The following GBP7 variants were observed in gnomAD, a reference collection of about 807,000 sequenced individuals.
The protein encoded by GBP7 is guanylate binding protein 7, also known as guanylate-binding protein 7.
GBP7 carries 43 observed loss-of-function variants against 61.3 expected under a neutral mutation model. The ratio of observed to expected loss-of-function variants is 0.70; its 90% CI spans 0.55 to 0.91. The LOEUF is 0.91. GBP7 is among the 40% of genes least tolerant of loss of function. The pLI is 0.00. For synonymous variants in GBP7, 267 were observed against 271.0 expected (o/e 0.99, Z 0.14); for missense variants, 717 against 740.5 (o/e 0.97, Z 0.37).
Position 89,133,357 on chromosome 1 carries a change from T to G in GBP7, c.1563A>C (p.Arg521Ser). 6.2e-7 allele frequency: 1 copy of G among 1,614,088 alleles called. No individual in the cohort carries two copies. Among genetic ancestry groups the G allele is most frequent in the Non-Finnish European group, 8.5e-7 (1 of 1,179,990 alleles). Residue 521 changes from arginine to serine, a missense_variant, in exon 10 of 11, where the codon AGA becomes AGC. Transcript: ENST00000294671. Reference protein sequence around the residue: ...EQQQMMEAQERSFQENIAQLK... With the variant: ...EQQQMMEAQESSFQENIAQLK... ...GTTGAGCTATGTTTTCCTGGAAACT[T>G]CTCTCTTGAGCCTCCATCATTTGCT...
At position 89,136,495 on chromosome 1, in the gene GBP7, A is replaced by G. The variant is rs557426143; in HGVS notation, c.1469-3044T>C. Among the ~76,000 whole-genome samples, 14 of 152,302 alleles carry G rather than the reference A, an allele frequency of 9.2e-5. No homozygotes were observed. In the East Asian group the frequency reaches 2.5e-3, roughly 27 times the overall value. On this transcript the variant is annotated intron_variant, in intron 9 of 10. Transcript: ENST00000294671. Reference sequence around the variant, plus strand: ...CACAATGCTGTAAAAATAGAAATCAATACAAAGAATATCTCTCAAAGCTAT... The same window carrying G: ...CACAATGCTGTAAAAATAGAAATCAGTACAAAGAATATCTCTCAAAGCTAT...
intron 9 of GBP7, among the ~76,000 whole-genome samples, chr1:89,134,678 A>G (rs1207378841): frequency 1.3e-5 from 2 of 152,194 alleles, no homozygotes; most frequent in Non-Finnish European, 2.9e-5. Flanking sequence ...AAAACAAAAT[A>G]AAAGCCAAAA....
intron 2 of GBP7, among the ~76,000 whole-genome samples, chr1:89,168,972 G>A (rs1376523252): frequency 1.6e-4 from 11 of 67,694 alleles, no homozygotes; most frequent in African/African-American, 8.5e-4. Context: ...TCCGCCTCAA[G>A]TTAAAAAAAA....
intron 3 of GBP7, 89 bp from the exon 4 acceptor site, chr1:89,152,866 G>T (rs947292440): frequency 1.0e-6 from 1 of 989,466 alleles, no homozygotes; most frequent in Non-Finnish European, 1.4e-6. Flanking sequence ...AACCAAAACT[G>T]AAGTCATTCC....
chr1:89,156,218 A>G (rs1682312435), intron 3 of GBP7, among the ~76,000 whole-genome samples: 1 of 152,262 alleles, frequency 6.6e-6, no homozygotes, highest in African/African-American at 2.4e-5. Flanking sequence ...AAACATAGAA[A>G]GGATCAGCCA....
chr1:89,136,595 T>C (rs1242924192), intron 9 of GBP7, among the ~76,000 whole-genome samples: 1 of 152,088 alleles, frequency 6.6e-6, no homozygotes, highest in African/African-American at 2.4e-5. Context: ...CAGAAATAAA[T>C]TATTTGAAAT....
At chr1:89,132,507 A>G (rs41288383) in intron 10 of GBP7, 104 bp from the exon 11 acceptor site, 37 of 823,498 alleles carry the variant, frequency 4.5e-5, no homozygotes, top group Non-Finnish European at 5.8e-5. Context: ...TTTCTCTAAC[A>G]TCTTAGAAAA....
At chr1:89,146,019 G>T (rs1007042693) in intron 8 of GBP7, among the ~76,000 whole-genome samples, 6 of 151,888 alleles carry the variant, frequency 4.0e-5, no homozygotes, top group Non-Finnish European at 8.8e-5. Flanking sequence ...GCCAAAACAA[G>T]AAAAACAGAG....
At position 89,161,167 on chromosome 1, in the gene GBP7, A is replaced by G. The variant is rs143792637; in HGVS notation, c.318+3564T>C. On this transcript the variant is annotated intron_variant, in intron 3 of 10. Coordinates refer to ENST00000294671, the MANE Select transcript of GBP7 (RefSeq NM_207398.3). ...AGTGTATATGTACCACATTTTCTTT[A>G]TCTAGTCTATCATTTATGGGCCTTT... 5.7e-4 allele frequency among the ~76,000 whole-genome samples: 86 copies of G among 152,172 alleles called. No individual in the cohort carries two copies. The East Asian group carries it at 0.015, about 27-fold the overall frequency.
chr1:89,136,323 T>G (rs551833611), intron 9 of GBP7, among the ~76,000 whole-genome samples: 2 of 152,156 alleles, frequency 1.3e-5, no homozygotes, highest in East Asian at 3.9e-4. Flanking sequence ...CTAACAGACA[T>G]CTACAGAACA....
At chr1:89,173,723 T>C (rs753056801) in intron 1 of GBP7, among the ~76,000 whole-genome samples, 7 of 152,204 alleles carry the variant, frequency 4.6e-5, no homozygotes, top group Non-Finnish European at 1.0e-4. Flanking sequence ...TGTGTTTCAG[T>C]TTGGCCTCCT....
At chr1:89,147,261 A>G (rs971813249) in intron 8 of GBP7, among the ~76,000 whole-genome samples, 17 of 152,162 alleles carry the variant, frequency 1.1e-4, no homozygotes, top group African/African-American at 3.6e-4. Context: ...GATTCTGAAA[A>G]CAAAGTTTTT....
chr1:89,138,038 C>T (rs1408487735), intron 9 of GBP7, among the ~76,000 whole-genome samples: 2 of 152,016 alleles, frequency 1.3e-5, no homozygotes, highest in Non-Finnish European at 2.9e-5. Flanking sequence ...AGAACACAAT[C>T]CTATTCACAA....
intron 3 of GBP7, among the ~76,000 whole-genome samples, chr1:89,162,723 T>C (rs1164744623): frequency 6.6e-6 from 1 of 152,244 alleles, no homozygotes; most frequent in East Asian, 1.9e-4. Flanking sequence ...AGAGTTTGAC[T>C]TCCTCTTTTC....
In GBP7 at chr1:89,171,802, C is replaced by T. The variant is rs115505389; in HGVS notation, c.134G>A (p.Gly45Asp). 3,193 of 1,613,514 alleles carry T rather than the reference C, an allele frequency of 2.0e-3. 68 individuals are homozygous for T. The African/African-American group carries it at 0.038, about 19-fold the overall frequency. The change falls in exon 2 of 11, where the codon GGC (glycine) becomes GAC (aspartate). Residue 45 changes from glycine (G) to aspartate (D), a missense_variant. Physicochemically the swap from Gly to Asp is moderately conservative, Grantham distance 94. This residue lies in a region of GBP7 where 387 missense variants were observed against 385.2 expected (regional missense o/e 1.00). Transcript: ENST00000294671. ...TQPVVVVAIV[G>D]LYRTGKSYLM... ...GTAGGATTTGCCTGTGCGGTAGAGG[C>T]CCACAATTGCCACCACTACTACAGG...
chr1:89,165,510 G>GAA (rs377460369), intron 2 of GBP7, among the ~76,000 whole-genome samples: 1 of 110,850 alleles, frequency 9.0e-6, no homozygotes, highest in African/African-American at 3.5e-5. Context: ...CAAAAAAAAA[G>GAA]AAAAAAAAAA....
At chr1:89,144,231 T>G (rs1276058781) in intron 8 of GBP7, among the ~76,000 whole-genome samples, 1 of 152,214 alleles carries the variant, frequency 6.6e-6, no homozygotes, top group East Asian at 1.9e-4. Context: ...GGCTGCATAG[T>G]GTCTCAAGGT....
intron 9 of GBP7, among the ~76,000 whole-genome samples, chr1:89,135,373 C>T (rs145383478): frequency 1.3e-5 from 2 of 152,080 alleles, no homozygotes; most frequent in Non-Finnish European, 2.9e-5. Context: ...ACAAGATGAC[C>T]ATCCCCAACA....
chr1:89,149,504 C>T lies in GBP7; in HGVS notation c.940G>A (p.Ala314Thr), dbSNP rs758491184. 1.2e-5 allele frequency: 19 copies of T among 1,614,036 alleles called. No homozygotes were observed. The African/African-American group carries it at 2.3e-4, about 19-fold the overall frequency. Residue 314 changes from alanine to threonine, a missense_variant, in exon 7 of 11, where the codon GCA (alanine) becomes ACA (threonine). This residue lies in a region of GBP7 where 387 missense variants were observed against 385.2 expected (regional missense o/e 1.00). Coordinates refer to ENST00000294671, the MANE Select transcript of GBP7 (RefSeq NM_207398.3). ...TCACACTGGGCCAGAACTGCCATTG[C>T]ATTCTCCAGACAAGGAGTCGCTCCA... ...NSGATPCLEN[A>T]MAVLAQCENS...
Sources: allele counts gnomAD v4.1 joint callset (sites outside exome capture counted in the v4.1 genomes callset), GRCh38; gene constraint gnomAD v4.1.1; regional missense constraint gnomAD v4.1.1; transcripts MANE v1.5; gene names NCBI Gene and HGNC (gene_info 2026-07-23, HGNC 2026-07-21).